The following RSPO3 variants were observed in gnomAD, a reference collection of about 807,000 sequenced individuals.
The protein encoded by RSPO3 is R-spondin-3.
A neutral mutation model predicts 36.5 loss-of-function variants in RSPO3; 17 were observed. The observed-to-expected ratio is 0.47, with a 90% CI of 0.32 to 0.70. The LOEUF is 0.70. RSPO3 is among the 30% of genes least tolerant of loss of function. The probability of loss-of-function intolerance (pLI) is 0.04; values close to 1 mark genes in which losing one functional copy is unlikely to be tolerated. For missense variants in RSPO3, 294 were observed against 322.5 expected (o/e 0.91, Z 0.68); for synonymous variants, 108 against 107.0 (o/e 1.01, Z -0.06).
At chr6:127,134,806 A>G (rs1215539150) in intron 1 of RSPO3, among the ~76,000 whole-genome samples, 2 of 152,202 alleles carry the variant, frequency 1.3e-5, no homozygotes, top group African/African-American at 4.8e-5. Flanking sequence ...TTTATAAATA[A>G]AGAAATTGAG....
At chr6:127,122,055 C>A (rs1773857014) in intron 1 of RSPO3, among the ~76,000 whole-genome samples, 1 of 152,156 alleles carries the variant, frequency 6.6e-6, no homozygotes, top group Non-Finnish European at 1.5e-5. Context: ...CAAGAACATT[C>A]ATTTGAAGTG....
At chr6:127,143,531 TATTA>T (rs1774321323) in intron 1 of RSPO3, among the ~76,000 whole-genome samples, 1 of 152,210 alleles carries the variant, frequency 6.6e-6, no homozygotes, top group Non-Finnish European at 1.5e-5. Flanking sequence ...TTTGTGAATT[TATTA>T]ATTTTTAATT....
chr6:127,126,507 A>T, intron 1 of RSPO3, among the ~76,000 whole-genome samples: 1 of 152,106 alleles, frequency 6.6e-6, no homozygotes. Flanking sequence ...GGTCACTGGT[A>T]TCATAAGCTG....
In RSPO3 at chr6:127,177,301, G is replaced by A. The variant is rs561924984; in HGVS notation, c.635-18522G>A. 3.3e-5 allele frequency among the ~76,000 whole-genome samples: 5 copies of A among 151,950 alleles called. No homozygotes were observed. In the East Asian group the frequency reaches 7.8e-4, roughly 24 times the overall value. ...TCCCAGCATTTCAAGCTTGTAAACTGTATCCAACACTCACCAATGTCTATT... is the reference window on the plus strand; with the variant it reads ...TCCCAGCATTTCAAGCTTGTAAACTATATCCAACACTCACCAATGTCTATT... On this transcript the variant is annotated intron_variant, in intron 4 of 4. Coordinates refer to ENST00000356698, the MANE Select transcript of RSPO3 (RefSeq NM_032784.5).
At chr6:127,170,532 A>G (rs1389238328) in intron 4 of RSPO3, among the ~76,000 whole-genome samples, 1 of 151,696 alleles carries the variant, frequency 6.6e-6, no homozygotes, top group African/African-American at 2.4e-5. Context: ...GCGTATACCC[A>G]AATGAATTGA....
At chr6:127,140,873 T>C (rs1171547127) in intron 1 of RSPO3, among the ~76,000 whole-genome samples, 1 of 152,174 alleles carries the variant, frequency 6.6e-6, no homozygotes, top group Non-Finnish European at 1.5e-5. Context: ...GTGCTCTACC[T>C]GAAATACTCT....
At chr6:127,122,804 A>G (rs1323391443) in intron 1 of RSPO3, among the ~76,000 whole-genome samples, 1 of 152,134 alleles carries the variant, frequency 6.6e-6, no homozygotes, top group Admixed American at 6.5e-5. Context: ...CTAATAGTAA[A>G]GTTTTCTAAA....
chr6:127,193,668 T>C (rs1008081449), intron 4 of RSPO3, among the ~76,000 whole-genome samples: 4 of 152,182 alleles, frequency 2.6e-5, no homozygotes, highest in South Asian at 2.1e-4. Context: ...TCTCTGTTTG[T>C]ACAGTTTTAT....
At chr6:127,157,825 C>G (rs775814115) in intron 4 of RSPO3, among the ~76,000 whole-genome samples, 1 of 151,624 alleles carries the variant, frequency 6.6e-6, no homozygotes, top group Non-Finnish European at 1.5e-5. Context: ...AATCATTTCT[C>G]TCTTTGTTAT....
At chr6:127,177,244 C>T (rs1313999393) in intron 4 of RSPO3, among the ~76,000 whole-genome samples, 1 of 151,882 alleles carries the variant, frequency 6.6e-6, no homozygotes. Context: ...GCCAGTGAGA[C>T]TAAAATCTGC....
rs2114564332 is a variant in RSPO3 at position 127,139,573 on chromosome 6, T to A, written c.98-9075T>A. 2.0e-5 allele frequency among the ~76,000 whole-genome samples: 3 copies of A among 151,802 alleles called. No individual in the cohort carries two copies. The East Asian group carries it at 5.8e-4, about 29-fold the overall frequency. On this transcript the variant is annotated intron_variant, in intron 1 of 4. Transcript: ENST00000356698. Reference sequence around the variant, plus strand: ...TTTTTTAAGGTTAGAAAAAAAATATTTCTAACCTTAAAAAAAAATTTCTAA... The same window carrying A: ...TTTTTTAAGGTTAGAAAAAAAATATATCTAACCTTAAAAAAAAATTTCTAA...
intron 4 of RSPO3, among the ~76,000 whole-genome samples, chr6:127,183,362 T>C (rs1225570823): frequency 6.6e-6 from 1 of 152,016 alleles, no homozygotes; most frequent in African/African-American, 2.4e-5. Context: ...AAACATGATA[T>C]AGCTCTCTGG....
intron 4 of RSPO3, among the ~76,000 whole-genome samples, chr6:127,166,092 A>G (rs972306109): frequency 3.3e-5 from 5 of 151,982 alleles, no homozygotes; most frequent in African/African-American, 1.2e-4. Flanking sequence ...TTTCTTTATA[A>G]AAAGCATTTG....
intron 1 of RSPO3, among the ~76,000 whole-genome samples, chr6:127,124,075 T>C (rs1195947646): frequency 6.6e-6 from 1 of 152,108 alleles, no homozygotes; most frequent in Non-Finnish European, 1.5e-5. Context: ...CTATGCAATG[T>C]TGGCAGAGTA....
intron 3 of RSPO3, among the ~76,000 whole-genome samples, chr6:127,154,295 T>C (rs1227140745): frequency 2.0e-5 from 3 of 152,128 alleles, no homozygotes; most frequent in Admixed American, 1.3e-4. Flanking sequence ...TTGTTATACA[T>C]TAGAAAGTTT....
chr6:127,164,320 C>T (rs1774770484), intron 4 of RSPO3, among the ~76,000 whole-genome samples: 1 of 152,008 alleles, frequency 6.6e-6, no homozygotes, highest in Non-Finnish European at 1.5e-5. Context: ...TAAATCATCT[C>T]CCATCTCTCC....
chr6:127,194,684 C>T (rs932597772), intron 4 of RSPO3, among the ~76,000 whole-genome samples: 45 of 152,240 alleles, frequency 3.0e-4, no homozygotes, highest in African/African-American at 1.0e-3. Context: ...TTCAGTTCTT[C>T]AAGTGGCTCC....
rs1774953418 is a variant in RSPO3, at chr6:127,172,251, A to T, written c.634+16813A>T. On this transcript the variant is annotated intron_variant, in intron 4 of 4. Transcript: ENST00000356698. Reference sequence around the variant, plus strand: ...AATATATACACAAACACACTCACACATACAGACACCTGTTAATTTCCTAGT... The same window carrying T: ...AATATATACACAAACACACTCACACTTACAGACACCTGTTAATTTCCTAGT... 4.6e-5 allele frequency among the ~76,000 whole-genome samples: 7 copies of T among 150,764 alleles called. No individual in the cohort carries two copies. In the South Asian group the frequency reaches 1.5e-3, roughly 31 times the overall value.
At chr6:127,147,225 G>A (rs1028828443) in intron 1 of RSPO3, among the ~76,000 whole-genome samples, 2 of 152,098 alleles carry the variant, frequency 1.3e-5, no homozygotes, top group Non-Finnish European at 2.9e-5. Flanking sequence ...TAACTAACCC[G>A]TGCACCCCTG....
Sources: gnomAD v4.1 joint callset for allele counts (sites outside exome capture counted in the v4.1 genomes callset) on GRCh38, gnomAD v4.1.1 for gene constraint, MANE v1.5 for transcripts, NCBI Gene and HGNC (gene_info 2026-07-23, HGNC 2026-07-21) for gene names.